IYD: variants seen among roughly 807,000 people sequenced by gnomAD.
The protein encoded by IYD is iodotyrosine deiodinase, also known as iodotyrosine deiodinase 1.
A neutral mutation model predicts 28.4 loss-of-function variants in IYD; 25 were observed. That is an observed-to-expected ratio of 0.88 (90% confidence interval 0.64 to 1.23). IYD has a LOEUF of 1.23. Ranked by LOEUF, IYD falls within the 50% of genes most tolerant of loss-of-function variation. The pLI is 0.00. For synonymous variants in IYD, 140 were observed against 130.8 expected (o/e 1.07, Z -0.48); for missense variants, 352 against 357.9 (o/e 0.98, Z 0.13).
At position 150,399,596 on chromosome 6, in the gene IYD, T is replaced by C. The variant is rs977075070; in HGVS notation, c.*1359T>C. On this transcript the variant is annotated 3_prime_UTR_variant, in exon 5 of 5. Coordinates refer to ENST00000344419, the MANE Select transcript of IYD (RefSeq NM_203395.3). ...CCTTTCCCTGTGCGTTTCTTCTTCT[T>C]GTCCTCATTTTCCTTGAGAAAACTC... The C allele has an allele frequency of 1.3e-5, 2 of 152,256 alleles. No individual in the cohort carries two copies. The highest frequency in any genetic ancestry group is 2.9e-5 in the Non-Finnish European group (2 of 68,086). The allele number at this position is 152,256 out of a possible 1,614,324, so 9.4% of individuals were successfully genotyped here. A position where few individuals can be genotyped will look rare whatever the true frequency, so the allele number is the denominator to read the frequency against.
rs149710047 is a variant in IYD, at chr6:150,374,186, A to G, written c.178+4977A>G. The stretch of plus-strand genomic sequence containing the variant: ...GGCCCCTGTAACAAAAGACAGAATA[A>G]CAGAAAAGTATACATGTTTATTTAG... On this transcript the variant is annotated intron_variant, in intron 1 of 4. Coordinates refer to ENST00000344419, the MANE Select transcript of IYD (RefSeq NM_203395.3). Among the ~76,000 whole-genome samples, 293 of 152,378 alleles carry G rather than the reference A, an allele frequency of 1.9e-3. 3 individuals carry two copies. The highest frequency in any genetic ancestry group is 3.5e-3 in the Non-Finnish European group (239 of 68,036).
rs111758467 is a variant in IYD at position 150,389,496 on chromosome 6, A to G, written c.323A>G (p.Asn108Ser). 2.4e-3 allele frequency: 3,919 copies of G among 1,614,146 alleles called. 42 individuals are homozygous for G. In the African/African-American group the frequency reaches 0.031, roughly 13 times the overall value. ...AGACGGTCAGTCAGGTTCATAAGTA[A>G]TGAGCAAGTCCCAATGGAAGTCATT... ...NKRRSVRFIS[N>S]EQVPMEVIDN... The change falls in exon 2 of 5, where the codon AAT becomes AGT. Residue 108 changes from asparagine (N) to serine (S), a missense_variant. By Grantham distance (46) the Asn-to-Ser change is conservative (BLOSUM62 1). Transcript: ENST00000344419.
intron 1 of IYD, among the ~76,000 whole-genome samples, chr6:150,388,627 T>TTTTCTTTCTTTCTTTC (rs1178891144): frequency 0.018 from 2,350 of 129,016 alleles, 56 homozygotes; most frequent in East Asian, 0.024. Context: ...GTCTGGAGTT[T>TTTTCTTTCTTTCTTTC]TTGCTTTCTT....
Position 150,394,452 on chromosome 6 carries a change from ATCATT to A in IYD, c.687+201_687+205del, listed in dbSNP as rs550857812. On this transcript the variant is annotated intron_variant, in intron 4 of 4. Transcript: ENST00000344419. The stretch of plus-strand genomic sequence containing the variant: ...AGCAAGCTGGGAATTCACTTATAAC[ATCATT>A]TCAAGTTAGAAAAATTGGTGTTGTG... Among the ~76,000 whole-genome samples, 312 of 152,320 alleles carry A rather than the reference ATCATT, an allele frequency of 2.0e-3. 1 individual carries two copies. Among genetic ancestry groups the A allele is most frequent in the African/African-American group, 7.1e-3 (293 of 41,558 alleles).
rs796462855 is a variant in IYD at position 150,378,035 on chromosome 6, T to C, written c.178+8826T>C. Among the ~76,000 whole-genome samples the C allele has an allele frequency of 3.9e-5, 6 of 152,330 alleles. No homozygotes were observed. The South Asian group carries it at 1.2e-3, about 32-fold the overall frequency. ...AAGGAAGTTTCCTCACTAAGAGCTATAAGCCAAAAGTAGCGCCTGCTAACG... is the reference window on the plus strand; with the variant it reads ...AAGGAAGTTTCCTCACTAAGAGCTACAAGCCAAAAGTAGCGCCTGCTAACG... On this transcript the variant is annotated intron_variant, in intron 1 of 4. Coordinates refer to ENST00000344419, the MANE Select transcript of IYD (RefSeq NM_203395.3).
chr6:150,376,159 C>G (rs1777436812), intron 1 of IYD, among the ~76,000 whole-genome samples: 1 of 152,210 alleles, frequency 6.6e-6, no homozygotes, highest in Non-Finnish European at 1.5e-5. Flanking sequence ...TCCCCCTTCA[C>G]ATCTACTTCC....
In IYD at chr6:150,404,061, G is replaced by C. The variant is rs375714396; in HGVS notation, c.*5824G>C. 1 of 152,192 alleles carries C rather than the reference G, an allele frequency of 6.6e-6. No individual in the cohort carries two copies. Among genetic ancestry groups the C allele is most frequent in the African/African-American group, 2.4e-5 (1 of 41,440 alleles). 9.4% of individuals were successfully genotyped at this position (152,192 alleles called of 1,614,324 possible). ...GTTCCCATAGTAACCACAGCACTCA[G>C]GGCACTGTCTCCCAGCGCTGGAGTA... On this transcript the variant is annotated 3_prime_UTR_variant, in exon 5 of 5. Coordinates refer to ENST00000344419, the MANE Select transcript of IYD (RefSeq NM_203395.3).
chr6:150,388,651 CTTTCTT>C (rs1777980895), intron 1 of IYD, among the ~76,000 whole-genome samples: 1 of 54,984 alleles, frequency 1.8e-5, no homozygotes, highest in South Asian at 4.3e-4. Flanking sequence ...TTCTTTCTTT[CTTTCTT>C]TCTTTCTTTC....
intron 4 of IYD, chr6:150,396,414 C>G (rs1445882132): frequency 1.5e-6 from 1 of 662,548 alleles, no homozygotes; most frequent in African/African-American, 1.8e-5. Flanking sequence ...TAGAAGTCAA[C>G]TTAACATTAA....
At position 150,399,441 on chromosome 6, in the gene IYD, G is replaced by C. The variant is rs554538647; in HGVS notation, c.*1204G>C. The C allele has an allele frequency of 1.3e-5, 2 of 152,356 alleles. No individual in the cohort carries two copies. The highest frequency in any genetic ancestry group is 1.3e-4 in the Admixed American group (2 of 15,306). 9.4% of individuals were successfully genotyped at this position (152,356 alleles called of 1,614,324 possible). On this transcript the variant is annotated 3_prime_UTR_variant, in exon 5 of 5. Transcript: ENST00000344419. ...GGGACTGATAGGGTCACAGTTGCCAGGTTGGGAATGCTAGATGTAGTCTTC... is the reference window on the plus strand; with the variant it reads ...GGGACTGATAGGGTCACAGTTGCCACGTTGGGAATGCTAGATGTAGTCTTC...
chr6:150,384,581 A>G (rs1188853500), intron 1 of IYD: 1 of 152,198 alleles, frequency 6.6e-6, no homozygotes, highest in Non-Finnish European at 1.5e-5. Context: ...TTTGCCATCC[A>G]AACATTTTCC....
chr6:150,402,062 AT>A lies in IYD; in HGVS notation c.*3827del, dbSNP rs1480402222. 2.6e-5 allele frequency: 4 copies of A among 152,184 alleles called. No homozygotes were observed. Among genetic ancestry groups the A allele is most frequent in the Non-Finnish European group, 5.9e-5 (4 of 68,038 alleles). The allele number at this position is 152,184 out of a possible 1,614,324, so 9.4% of individuals were successfully genotyped here. ...TTCCCAGGTGTTGCTGATGCTGGTG[AT>A]TGGGTACCACATTTTGAGAACCATG... On this transcript the variant is annotated 3_prime_UTR_variant, in exon 5 of 5. Transcript: ENST00000344419.
intron 1 of IYD, among the ~76,000 whole-genome samples, chr6:150,379,531 A>G (rs1267278275): frequency 6.6e-6 from 1 of 152,164 alleles, no homozygotes; most frequent in East Asian, 1.9e-4. Flanking sequence ...AATTGTCCTC[A>G]TAGGAGTGAT....
chr6:150,370,533 C>T (rs1777203302), intron 1 of IYD: 2 of 985,368 alleles, frequency 2.0e-6, no homozygotes, highest in Non-Finnish European at 2.4e-6. Context: ...CTGACTGCAC[C>T]GTACAGGAGT....
chr6:150,369,164 G>A lies in IYD; in HGVS notation c.133G>A (p.Asp45Asn), dbSNP rs1263025100. Residue 45 changes from aspartate (D) to asparagine (N), a missense_variant, in exon 1 of 5, where the codon GAT becomes AAT. By Grantham distance (23) the Asp-to-Asn change is conservative (BLOSUM62 1). Coordinates refer to ENST00000344419, the MANE Select transcript of IYD (RefSeq NM_203395.3). ...CAGGGCCGAAGCTCGCCCCTGGGTG[G>A]ATGAAGACTTAAAAGACAGCAGTGA... The part of the protein sequence containing the change: ...RTRAEARPWV[D>N]EDLKDSSDLH... 6.2e-7 allele frequency: 1 copy of A among 1,613,676 alleles called. No homozygotes were observed. Among genetic ancestry groups the A allele is most frequent in the Admixed American group, 1.7e-5 (1 of 59,986 alleles).
chr6:150,390,039 A>C (rs1778052635), intron 2 of IYD, among the ~76,000 whole-genome samples: 1 of 152,212 alleles, frequency 6.6e-6, no homozygotes. Flanking sequence ...CAAAGCAAGA[A>C]AAAACCCATT....
At chr6:150,372,044 A>T (rs1777260136) in intron 1 of IYD, among the ~76,000 whole-genome samples, 1 of 152,184 alleles carries the variant, frequency 6.6e-6, no homozygotes. Context: ...TCCTTTACTG[A>T]AGACACATGG....
rs921481339 is a variant in IYD at position 150,398,291 on chromosome 6, C to T, written c.*54C>T. ...GATGGCGCCCCTGCTTTTCCCTGAGCCTCTCGCCTGCTCCTCTTGGGTCTC... is the reference window on the plus strand; with the variant it reads ...GATGGCGCCCCTGCTTTTCCCTGAGTCTCTCGCCTGCTCCTCTTGGGTCTC... On this transcript the variant is annotated 3_prime_UTR_variant, in exon 5 of 5. Transcript: ENST00000344419. The T allele has an allele frequency of 3.2e-6, 5 of 1,551,718 alleles. No homozygotes were observed. The African/African-American group carries it at 6.8e-5, about 21-fold the overall frequency.
chr6:150,387,679 C>G (rs370305624), intron 1 of IYD, among the ~76,000 whole-genome samples: 1 of 152,058 alleles, frequency 6.6e-6, no homozygotes, highest in South Asian at 2.1e-4. Flanking sequence ...TTTCTTCTGA[C>G]TTACCTCCCA....
Sources: allele counts gnomAD v4.1 joint callset (sites outside exome capture counted in the v4.1 genomes callset), GRCh38; gene constraint gnomAD v4.1.1; transcripts MANE v1.5; gene names NCBI Gene and HGNC (gene_info 2026-07-23, HGNC 2026-07-21).